Variants in LCLAT1 observed in about 807,000 individuals in gnomAD.
The protein encoded by LCLAT1 is lysocardiolipin acyltransferase 1, also known as 1-AGP acyltransferase 8.
A neutral mutation model predicts 30.7 loss-of-function variants in LCLAT1; 11 were observed. The observed-to-expected ratio is 0.36, with a 90% CI of 0.23 to 0.59. LCLAT1 has a LOEUF of 0.59. LCLAT1 is among the 20% of genes least tolerant of loss of function. LCLAT1 has a pLI of 0.77. For synonymous variants in LCLAT1, 155 were observed against 151.3 expected (o/e 1.02, Z -0.18); for missense variants, 402 against 458.6 (o/e 0.88, Z 1.13).
At chr2:30,490,199 A>ATTTTTT (rs772695376) in intron 1 of LCLAT1, among the ~76,000 whole-genome samples, 1 of 121,474 alleles carries the variant, frequency 8.2e-6, no homozygotes, top group Non-Finnish European at 1.7e-5. Flanking sequence ...GGCTACTCTG[A>ATTTTTT]TTTTTTTTTT....
chr2:30,513,137 C>T (rs1685018456), intron 1 of LCLAT1, among the ~76,000 whole-genome samples: 1 of 151,820 alleles, frequency 6.6e-6, no homozygotes. Flanking sequence ...GAAAATGGTA[C>T]TTTAATTTAT....
At chr2:30,508,142 C>G (rs183344930) in intron 1 of LCLAT1, among the ~76,000 whole-genome samples, 7 of 151,196 alleles carry the variant, frequency 4.6e-5, no homozygotes, top group Non-Finnish European at 1.5e-5. Flanking sequence ...ATGGGTTTTT[C>G]TCTTGTAAGT....
chr2:30,537,920 CAA>C lies in LCLAT1; in HGVS notation c.364+4607_364+4608del, dbSNP rs1054519405. 2.6e-4 allele frequency among the ~76,000 whole-genome samples: 39 copies of C among 151,868 alleles called. 1 individual carries two copies. The highest frequency in any genetic ancestry group is 1.0e-3 in the South Asian group (5 of 4,808). Reference sequence around the variant, plus strand: ...ATGAAATAAAGTTAGAAATTAATAACAAGAGGAAATTTGGAAACTGTACCAAT... The same window carrying C: ...ATGAAATAAAGTTAGAAATTAATAACGAGGAAATTTGGAAACTGTACCAAT... On this transcript the variant is annotated intron_variant, in intron 3 of 5. Coordinates refer to ENST00000379509, the MANE Select transcript of LCLAT1 (RefSeq NM_001002257.3).
At chr2:30,484,677 T>C (rs1252797270) in intron 1 of LCLAT1, among the ~76,000 whole-genome samples, 2 of 152,190 alleles carry the variant, frequency 1.3e-5, no homozygotes, top group East Asian at 3.8e-4. Flanking sequence ...CTATAAATGT[T>C]AGCCATCAAA....
At chr2:30,522,177 G>A (rs1685508781) in intron 1 of LCLAT1, among the ~76,000 whole-genome samples, 1 of 152,104 alleles carries the variant, frequency 6.6e-6, no homozygotes, top group Non-Finnish European at 1.5e-5. Context: ...AGGTTTTTGT[G>A]TGAATATACA....
chr2:30,528,438 G>C (rs908828020), intron 2 of LCLAT1, among the ~76,000 whole-genome samples: 2 of 152,198 alleles, frequency 1.3e-5, no homozygotes, highest in African/African-American at 4.8e-5. Context: ...GGGCAGAGAA[G>C]AGAATGAATT....
intron 5 of LCLAT1, among the ~76,000 whole-genome samples, chr2:30,622,510 C>G (rs563548749): frequency 6.6e-6 from 1 of 152,274 alleles, no homozygotes; most frequent in South Asian, 2.1e-4. Flanking sequence ...CAAAAAACAG[C>G]ACACTGAACA....
intron 1 of LCLAT1, among the ~76,000 whole-genome samples, chr2:30,498,850 A>G (rs1007006971): frequency 2.0e-5 from 3 of 152,236 alleles, no homozygotes; most frequent in African/African-American, 7.2e-5. Flanking sequence ...TTTTAAATAC[A>G]GGTAGAGTAG....
chr2:30,496,495 C>T (rs1684126146), intron 1 of LCLAT1, among the ~76,000 whole-genome samples: 1 of 152,134 alleles, frequency 6.6e-6, no homozygotes, highest in African/African-American at 2.4e-5. Context: ...TCAGTAGGCT[C>T]AGAGATATCT....
At chr2:30,492,051 T>C (rs1683858688) in intron 1 of LCLAT1, among the ~76,000 whole-genome samples, 1 of 152,222 alleles carries the variant, frequency 6.6e-6, no homozygotes, top group African/African-American at 2.4e-5. Flanking sequence ...TATGTATCCA[T>C]ACATATATTT....
At chr2:30,545,275 G>C (rs2148415427) in intron 3 of LCLAT1, among the ~76,000 whole-genome samples, 1 of 152,216 alleles carries the variant, frequency 6.6e-6, no homozygotes, top group South Asian at 2.1e-4. Flanking sequence ...ACTATATACT[G>C]TTTGAGACTA....
At chr2:30,534,379 G>A (rs1048721666) in intron 3 of LCLAT1, among the ~76,000 whole-genome samples, 3 of 152,032 alleles carry the variant, frequency 2.0e-5, no homozygotes, top group Non-Finnish European at 2.9e-5. Context: ...GCAGGTTCAC[G>A]CTGTTCTCCT....
intron 1 of LCLAT1, among the ~76,000 whole-genome samples, chr2:30,462,704 A>G (rs1272549482): frequency 1.3e-5 from 2 of 152,198 alleles, no homozygotes; most frequent in East Asian, 3.8e-4. Context: ...ACCAAAATCT[A>G]TTTCGGGGCT....
intron 1 of LCLAT1, among the ~76,000 whole-genome samples, chr2:30,517,709 A>AGAGG (rs1214701822): frequency 6.6e-6 from 1 of 152,230 alleles, no homozygotes; most frequent in Non-Finnish European, 1.5e-5. Flanking sequence ...AGGGAGAAAG[A>AGAGG]GAGGGGAAAA....
intron 1 of LCLAT1, among the ~76,000 whole-genome samples, chr2:30,457,975 T>TA (rs915998357): frequency 1.1e-4 from 17 of 152,130 alleles, no homozygotes; most frequent in Admixed American, 5.2e-4. Context: ...GAATTCTTTT[T>TA]AAAAAACTCT....
chr2:30,551,886 C>T (rs889122441), intron 3 of LCLAT1, among the ~76,000 whole-genome samples: 18 of 152,052 alleles, frequency 1.2e-4, no homozygotes, highest in African/African-American at 4.1e-4. Context: ...GGTTTCTCTC[C>T]CACCTTTAAT....
chr2:30,519,291 C>G (rs1685350945), intron 1 of LCLAT1, among the ~76,000 whole-genome samples: 1 of 152,156 alleles, frequency 6.6e-6, no homozygotes, highest in Non-Finnish European at 1.5e-5. Context: ...TTAAATGGAG[C>G]CCCAGATGCA....
At chr2:30,459,858 C>T (rs1396919400) in intron 1 of LCLAT1, 3 of 569,012 alleles carry the variant, frequency 5.3e-6, no homozygotes, top group African/African-American at 3.9e-5. Flanking sequence ...TGTTCTATAA[C>T]CTTTTCATTG....
chr2:30,602,929 G>A (rs923396313), intron 5 of LCLAT1, among the ~76,000 whole-genome samples: 16 of 152,032 alleles, frequency 1.1e-4, no homozygotes, highest in African/African-American at 1.4e-4. Flanking sequence ...CAGGAACAGC[G>A]GAACAGTAAT....
Sources: allele counts gnomAD v4.1 joint callset (sites outside exome capture counted in the v4.1 genomes callset), GRCh38; gene constraint gnomAD v4.1.1; transcripts MANE v1.5; gene names NCBI Gene and HGNC (gene_info 2026-07-23, HGNC 2026-07-21).